The following VAV3 variants were observed in gnomAD, a reference collection of about 807,000 sequenced individuals.
The protein encoded by VAV3 is vav guanine nucleotide exchange factor 3.
In VAV3, 94 loss-of-function variants were observed where a neutral mutation model predicts 131.2. That is an observed-to-expected ratio of 0.72 (90% confidence interval 0.61 to 0.85). VAV3 has a LOEUF of 0.85. Among genes scored for constraint, VAV3 ranks in the 40% least tolerant of loss-of-function variants. The pLI, the probability that VAV3 is intolerant of heterozygous loss-of-function variation, is 0.00. For missense variants in VAV3, 939 were observed against 1,002.7 expected (o/e 0.94, Z 0.86); for synonymous variants, 349 against 342.0 (o/e 1.02, Z -0.22).
At chr1:107,726,840 T>C (rs971604407) in intron 15 of VAV3, among the ~76,000 whole-genome samples, 13 of 152,204 alleles carry the variant, frequency 8.5e-5, no homozygotes, top group African/African-American at 3.1e-4. Context: ...ACAGAGTGGG[T>C]ACACAAAGTT....
chr1:107,602,507 G>T (rs1348925166), intron 23 of VAV3, 23 bp from the exon 24 acceptor site: 2 of 1,519,258 alleles, frequency 1.3e-6, no homozygotes, highest in Non-Finnish European at 1.8e-6. Flanking sequence ...AATAACTTAT[G>T]AATATAAATG....
intron 2 of VAV3, among the ~76,000 whole-genome samples, chr1:107,808,491 A>T (rs925967570): frequency 1.3e-5 from 2 of 152,186 alleles, no homozygotes; most frequent in Non-Finnish European, 2.9e-5. Flanking sequence ...AGAAAAAAGG[A>T]AATTTTATAG....
At chr1:107,864,275 G>A (rs977520428) in intron 2 of VAV3, among the ~76,000 whole-genome samples, 2 of 152,314 alleles carry the variant, frequency 1.3e-5, no homozygotes, top group East Asian at 3.9e-4. Context: ...GAAAGAGGTA[G>A]GATAGAATCT....
chr1:107,623,529 G>A (rs1653766877), intron 20 of VAV3, among the ~76,000 whole-genome samples: 2 of 152,106 alleles, frequency 1.3e-5, no homozygotes, highest in South Asian at 2.1e-4. Context: ...ACCTGAACGG[G>A]AACTATTATA....
At chr1:107,647,694 A>G (rs1374180741) in intron 19 of VAV3, among the ~76,000 whole-genome samples, 1 of 152,060 alleles carries the variant, frequency 6.6e-6, no homozygotes, top group Non-Finnish European at 1.5e-5. Context: ...ACTCTAGCCA[A>G]GTTTGGGAAT....
chr1:107,769,426 T>G (rs1019542616), intron 6 of VAV3, among the ~76,000 whole-genome samples: 1 of 152,272 alleles, frequency 6.6e-6, no homozygotes, highest in South Asian at 2.1e-4. Flanking sequence ...CTAGTCAATC[T>G]ACTCTTCTAC....
At chr1:107,913,919 C>G (rs1672491230) in intron 1 of VAV3, among the ~76,000 whole-genome samples, 1 of 152,146 alleles carries the variant, frequency 6.6e-6, no homozygotes, top group African/African-American at 2.4e-5. Context: ...CTCAGCCTCC[C>G]AAGTAGCTGG....
At chr1:107,800,934 C>T (rs535524141) in intron 2 of VAV3, among the ~76,000 whole-genome samples, 31 of 152,206 alleles carry the variant, frequency 2.0e-4, no homozygotes, top group African/African-American at 7.0e-4. Context: ...GTGTTTTCTT[C>T]GAGTAGTTTC....
chr1:107,669,595 C>T (rs532084860), intron 19 of VAV3: 2 of 1,129,440 alleles, frequency 1.8e-6, no homozygotes, highest in South Asian at 3.5e-5. Context: ...CTAGAGCCTC[C>T]TTTTCTTGCA....
rs577501406 is a variant in VAV3 at position 107,794,244 on chromosome 1, G to A, written c.322-14752C>T. Among the ~76,000 whole-genome samples the A allele has an allele frequency of 9.8e-5, 15 of 152,336 alleles. No individual in the cohort carries two copies. The South Asian group carries it at 3.1e-3, about 32-fold the overall frequency. On this transcript the variant is annotated intron_variant, in intron 2 of 26. Transcript: ENST00000370056. ...ATCTGGGCTGGCCCAGGAGTAGCCT[G>A]GTTTCCACTGAGGAATTTGACACTA... is the stretch of plus-strand genomic sequence containing the variant.
intron 12 of VAV3, among the ~76,000 whole-genome samples, chr1:107,754,984 CTT>C (rs200230420): frequency 6.7e-6 from 1 of 149,442 alleles, no homozygotes; most frequent in Admixed American, 6.7e-5. Flanking sequence ...ATTTTTAACT[CTT>C]TTTTTTTTAA....
intron 25 of VAV3, among the ~76,000 whole-genome samples, chr1:107,589,062 C>G (rs2101041795): frequency 6.6e-6 from 1 of 152,110 alleles, no homozygotes; most frequent in South Asian, 2.1e-4. Flanking sequence ...GACTGCCTGA[C>G]TGCTGTAATA....
At chr1:107,744,167 G>A (rs1663187807) in intron 15 of VAV3, among the ~76,000 whole-genome samples, 1 of 152,150 alleles carries the variant, frequency 6.6e-6, no homozygotes. Context: ...CAGAGCTCTA[G>A]AATCTCCATC....
At chr1:107,946,640 G>A (rs1410728073) in intron 1 of VAV3, among the ~76,000 whole-genome samples, 1 of 152,160 alleles carries the variant, frequency 6.6e-6, no homozygotes, top group Non-Finnish European at 1.5e-5. Flanking sequence ...AAAAGAGAAG[G>A]ACTGAAAATA....
At chr1:107,640,745 G>A (rs1438802636) in intron 20 of VAV3, among the ~76,000 whole-genome samples, 8 of 152,118 alleles carry the variant, frequency 5.3e-5, no homozygotes, top group Non-Finnish European at 1.0e-4. Context: ...ACATGGAGTG[G>A]TAGAAAGTGA....
intron 1 of VAV3, among the ~76,000 whole-genome samples, chr1:107,882,628 A>G (rs865952731): frequency 6.6e-6 from 1 of 152,040 alleles, no homozygotes; most frequent in Admixed American, 6.5e-5. Context: ...CCCTTTCACC[A>G]TATCTTCTCT....
rs558364736 is a variant in VAV3, at chr1:107,703,978, A to G, written c.1705+572T>C. ...AGCCATCTTAGAAACTAGCTCATGT[A>G]ACAATCATGCAGCATTATTTTTAAA... On this transcript the variant is annotated intron_variant, in intron 17 of 26. Transcript: ENST00000370056. Among the ~76,000 whole-genome samples the G allele has an allele frequency of 9.2e-5, 14 of 152,308 alleles. No individual in the cohort carries two copies. The South Asian group carries it at 2.9e-3, about 32-fold the overall frequency.
intron 2 of VAV3, among the ~76,000 whole-genome samples, chr1:107,815,781 C>A (rs1667536065): frequency 6.6e-6 from 1 of 152,178 alleles, no homozygotes; most frequent in African/African-American, 2.4e-5. Flanking sequence ...TCTTTAGCCA[C>A]ATATATGCAC....
intron 15 of VAV3, among the ~76,000 whole-genome samples, chr1:107,717,882 T>C (rs1021630643): frequency 1.3e-5 from 2 of 152,144 alleles, no homozygotes; most frequent in African/African-American, 2.4e-5. Flanking sequence ...TATGTCTCTT[T>C]GTAGGTATCT....
Sources: allele counts gnomAD v4.1 joint callset (sites outside exome capture counted in the v4.1 genomes callset), GRCh38; gene constraint gnomAD v4.1.1; transcripts MANE v1.5; gene names NCBI Gene and HGNC (gene_info 2026-07-23, HGNC 2026-07-21).